Variants in B4GALNT3 observed in about 807,000 individuals in gnomAD.
B4GALNT3 encodes the protein beta-1,4-N-acetylgalactosaminyltransferase 3.
B4GALNT3 carries 86 observed loss-of-function variants against 120.2 expected under a neutral mutation model. The ratio of observed to expected loss-of-function variants is 0.72; its 90% CI spans 0.60 to 0.86. The LOEUF is 0.86. Ranked by LOEUF, B4GALNT3 falls within the 40% of genes least tolerant of loss-of-function variation. The probability of loss-of-function intolerance (pLI) is 0.00; values close to 1 mark genes in which losing one functional copy is unlikely to be tolerated. For synonymous variants in B4GALNT3, 518 were observed against 510.4 expected, an observed-to-expected ratio of 1.01 and a Z score of -0.20; for missense variants, 1,167 against 1,298.9, an observed-to-expected ratio of 0.90 and a Z score of 1.56.
intron 1 of B4GALNT3, among the ~76,000 whole-genome samples, chr12:504,624 A>G (rs1946478942): frequency 6.6e-6 from 1 of 151,808 alleles, no homozygotes; most frequent in South Asian, 2.1e-4. Flanking sequence ...ATGGCTGGCT[A>G]ATTTTTAGCC....
Position 460,531 on chromosome 12 carries a change from A to AC in B4GALNT3, c.160dup (p.Leu54ProfsTer43). 1 of 1,516,082 alleles carries AC rather than the reference A, an allele frequency of 6.6e-7. No homozygotes were observed. Among genetic ancestry groups the AC allele is most frequent in the South Asian group, 1.3e-5 (1 of 79,724 alleles). The allele number at this position is 1,516,082 out of a possible 1,614,324, so 93.9% of individuals were successfully genotyped here. On this transcript the variant is annotated frameshift_variant, in exon 1 of 20. Transcript: ENST00000266383. LOFTEE classifies it high-confidence loss of function. The surrounding 1 kb of genome is among the most constrained non-coding windows in gnomAD (Gnocchi z 8.0). ...GTGGCGTCGGCCCAGGTCGGCGGGA[A>AC]CCCCCTGAACCGGAGTAAGTAGCAC...
At chr12:542,005 C>A (rs1327915749) in intron 3 of B4GALNT3, among the ~76,000 whole-genome samples, 2 of 152,134 alleles carry the variant, frequency 1.3e-5, no homozygotes, top group African/African-American at 4.8e-5. Context: ...GTCTTATAAA[C>A]TGAACTTGAG....
intron 1 of B4GALNT3, among the ~76,000 whole-genome samples, chr12:473,035 A>G (rs958945145): frequency 4.0e-5 from 6 of 148,508 alleles, no homozygotes; most frequent in African/African-American, 1.5e-4. Context: ...GCTGGAGTCT[A>G]GTGGTTCACT....
chr12:478,709 A>G (rs1174714585), intron 1 of B4GALNT3, among the ~76,000 whole-genome samples: 1 of 152,220 alleles, frequency 6.6e-6, no homozygotes. Context: ...GGAAAGTTCC[A>G]GGGTGGTGAA....
chr12:467,464 C>T (rs1000474769), intron 1 of B4GALNT3, among the ~76,000 whole-genome samples: 1 of 152,152 alleles, frequency 6.6e-6, no homozygotes, highest in Non-Finnish European at 1.5e-5. Context: ...GAGGCTGAGG[C>T]ACAAGAGTCG....
At chr12:466,010 CTG>C (rs1946075033) in intron 1 of B4GALNT3, among the ~76,000 whole-genome samples, 1 of 143,580 alleles carries the variant, frequency 7.0e-6, no homozygotes, top group African/African-American at 2.6e-5. Flanking sequence ...CTGCCACTCC[CTG>C]TCCTGGGAGT....
intron 1 of B4GALNT3, among the ~76,000 whole-genome samples, chr12:465,613 C>T (rs2120413803): frequency 6.6e-6 from 1 of 152,170 alleles, no homozygotes; most frequent in South Asian, 2.1e-4. Context: ...TATTTAGAGT[C>T]TCTCCTTTCC....
At chr12:544,220 C>T in intron 3 of B4GALNT3, 119 bp from the exon 4 acceptor site, 1 of 869,788 alleles carries the variant, frequency 1.1e-6, no homozygotes, top group Non-Finnish European at 1.8e-6. Flanking sequence ...ATGGGGTGCT[C>T]ATCCTCCTGG....
At chr12:466,923 A>G (rs1470501790) in intron 1 of B4GALNT3, among the ~76,000 whole-genome samples, 2 of 152,254 alleles carry the variant, frequency 1.3e-5, no homozygotes, top group African/African-American at 4.8e-5. Context: ...CACAAACTGA[A>G]AATACCTGTG....
rs1014496586 is a variant in B4GALNT3 at position 561,567 on chromosome 12, C to T, written c.*116C>T. The T allele has an allele frequency of 3.1e-5, 24 of 778,956 alleles. No homozygotes were observed. Among genetic ancestry groups the T allele is most frequent in the African/African-American group, 8.7e-5 (5 of 57,692 alleles). 48.3% of individuals were successfully genotyped at this position (778,956 alleles called of 1,614,324 possible). On this transcript the variant is annotated 3_prime_UTR_variant, in exon 20 of 20. Transcript: ENST00000266383. ...GTGACGGCTGGACCCCAAGAGGCCT[C>T]GAAGCTGACGGCCCACTCCACCTGG...
chr12:557,819 G>A (rs1222641182), intron 16 of B4GALNT3, 58 bp downstream of exon 16: 2 of 1,555,256 alleles, frequency 1.3e-6, no homozygotes, highest in Admixed American at 1.9e-5. Context: ...AAAGTCCTAG[G>A]GCTGCTGGGT....
rs1565598509 is a variant in B4GALNT3 at position 512,179 on chromosome 12, GCCTTCCACCTTCCGCCTTCCACCTTCCA to G, written c.170-22973_170-22946del. ...TTCCGCCTTCCACCTTCCGCCTTCC[GCCTTCCACCTTCCGCCTTCCACCTTCCA>G]CCTTCCACCTTCCACCTTCTTCCAC... On this transcript the variant is annotated intron_variant, in intron 1 of 19. Coordinates refer to ENST00000266383, the MANE Select transcript of B4GALNT3 (RefSeq NM_173593.4). 7.8e-4 allele frequency among the ~76,000 whole-genome samples: 13 copies of G among 16,646 alleles called. 1 individual carries two copies. The highest frequency in any genetic ancestry group is 1.2e-3 in the Non-Finnish European group (12 of 10,250). 10.9% of individuals were successfully genotyped at this position (16,646 alleles called of 152,430 possible).
intron 1 of B4GALNT3, among the ~76,000 whole-genome samples, chr12:472,165 C>G (rs758170850): frequency 6.6e-6 from 1 of 152,202 alleles, no homozygotes; most frequent in Non-Finnish European, 1.5e-5. Context: ...AGTGCAGAGG[C>G]TTGAAGGAGA....
chr12:486,252 C>T (rs1592017724), intron 1 of B4GALNT3, among the ~76,000 whole-genome samples: 2 of 146,516 alleles, frequency 1.4e-5, no homozygotes, highest in Admixed American at 1.4e-4. Flanking sequence ...CTTTGCCACC[C>T]AGGCTAGAGT....
intron 1 of B4GALNT3, among the ~76,000 whole-genome samples, chr12:533,059 A>G (rs1434080892): frequency 6.6e-6 from 1 of 152,226 alleles, no homozygotes; most frequent in Non-Finnish European, 1.5e-5. Context: ...CCAGTCATTC[A>G]GATGCAGGAG....
chr12:511,309 C>CTTCTTCCACCTTCGAGCTTCCACT lies in B4GALNT3; in HGVS notation c.170-23854_170-23853insTTCCACCTTCGAGCTTCCACTTTC, dbSNP rs1245787632. ...CCACCTTCGACCTTCCACCTTCCAC[C>CTTCTTCCACCTTCGAGCTTCCACT]TTCCGCCTTCTGCCTTCCACCTTCC... On this transcript the variant is annotated intron_variant, in intron 1 of 19. Transcript: ENST00000266383. 5.4e-4 allele frequency among the ~76,000 whole-genome samples: 62 copies of CTTCTTCCACCTTCGAGCTTCCACT among 115,784 alleles called. 12 individuals are homozygous for CTTCTTCCACCTTCGAGCTTCCACT. Among genetic ancestry groups the CTTCTTCCACCTTCGAGCTTCCACT allele is most frequent in the African/African-American group, 2.2e-3 (61 of 27,172 alleles). 76.0% of individuals were successfully genotyped at this position (115,784 alleles called of 152,430 possible).
intron 1 of B4GALNT3, among the ~76,000 whole-genome samples, chr12:525,560 G>C (rs139985644): frequency 1.6e-3 from 238 of 152,048 alleles, no homozygotes; most frequent in Non-Finnish European, 2.4e-3. Flanking sequence ...TTTCATTCTG[G>C]TTCCTTCTCT....
At position 553,815 on chromosome 12, in the gene B4GALNT3, T is replaced by C. The variant is rs374281762; in HGVS notation, c.1892T>C (p.Val631Ala). The change falls in exon 14 of 20, where the codon GTA becomes GCA. Residue 631 changes from valine (V) to alanine (A), a missense_variant. Coordinates refer to ENST00000266383, the MANE Select transcript of B4GALNT3 (RefSeq NM_173593.4). The stretch of plus-strand genomic sequence containing the variant: ...GAGTACGTACCTGTGTTTGACCCGG[T>C]AGTAAACTGGGACCAGACCTTCAGT... ...VFEYVPVFDP[V>A]VNWDQTFSAR... 1.2e-6 allele frequency: 2 copies of C among 1,614,110 alleles called. No homozygotes were observed. The highest frequency in any genetic ancestry group is 2.7e-5 in the African/African-American group (2 of 74,938).
chr12:480,484 G>A (rs1426601295), intron 1 of B4GALNT3, among the ~76,000 whole-genome samples: 2 of 152,230 alleles, frequency 1.3e-5, no homozygotes, highest in African/African-American at 2.4e-5. Flanking sequence ...TTGACGGCCT[G>A]GTTCCTGAGG....
Sources: gnomAD v4.1 joint callset for allele counts (sites outside exome capture counted in the v4.1 genomes callset) on GRCh38, gnomAD v4.1.1 for gene constraint, Gnocchi (gnomAD v3.1) non-coding constraint, MANE v1.5 for transcripts, NCBI Gene and HGNC (gene_info 2026-07-23, HGNC 2026-07-21) for gene names.